The following UGDH variants were observed in gnomAD, a reference collection of about 807,000 sequenced individuals.
UGDH encodes UDP-Glc dehydrogenase.
Under a neutral mutation model 50.6 loss-of-function variants are expected in UGDH, and 38 were observed. The observed-to-expected ratio is 0.75, with a 90% CI of 0.58 to 0.98. The LOEUF is 0.98. Among genes scored for constraint, UGDH ranks in the 50% least tolerant of loss-of-function variants. The pLI is 0.00. For missense variants in UGDH, 465 were observed against 606.2 expected, an observed-to-expected ratio of 0.77 and a Z score of 2.45; for synonymous variants, 168 against 199.9, an observed-to-expected ratio of 0.84 and a Z score of 1.35.
intron 2 of UGDH, 30 bp downstream of exon 2, chr4:39,521,321 T>C (rs761012738): frequency 1.3e-6 from 2 of 1,559,994 alleles, no homozygotes; most frequent in Non-Finnish European, 1.7e-6. Flanking sequence ...GAAAAAAGCA[T>C]AAAAACAAAG....
chr4:39,520,036 A>G (rs1166406515), intron 2 of UGDH, among the ~76,000 whole-genome samples: 1 of 152,150 alleles, frequency 6.6e-6, no homozygotes, highest in Admixed American at 6.6e-5. Context: ...GGTTGATAAT[A>G]GTCATAAAGA....
intron 2 of UGDH, among the ~76,000 whole-genome samples, chr4:39,520,466 G>A (rs1746602032): frequency 6.6e-6 from 1 of 151,284 alleles, no homozygotes; most frequent in Non-Finnish European, 1.5e-5. Context: ...ATAATATGAT[G>A]AACTCATTTT....
chr4:39,504,185 G>T (rs921762041), intron 10 of UGDH, among the ~76,000 whole-genome samples, 200 bp from the exon 11 acceptor site: 1 of 152,094 alleles, frequency 6.6e-6, no homozygotes, highest in Admixed American at 6.6e-5. Context: ...GCAGGAGCTT[G>T]TAGTCCCAGC....
chr4:39,520,045 G>T (rs1189846467), intron 2 of UGDH, among the ~76,000 whole-genome samples: 1 of 151,966 alleles, frequency 6.6e-6, no homozygotes, highest in Non-Finnish European at 1.5e-5. Flanking sequence ...TAGTCATAAA[G>T]AAATAAGCTT....
In UGDH at chr4:39,499,711, A is replaced by C. The variant is rs1745712763; in HGVS notation, c.*432T>G. On this transcript the variant is annotated 3_prime_UTR_variant, in exon 12 of 12. Coordinates refer to ENST00000316423, the MANE Select transcript of UGDH (RefSeq NM_003359.4). ...TAGCTAGTATAAATCTGATGATTAA[A>C]AAAATAGTTTTGTTTCCTTAAAAAC... The C allele has an allele frequency of 6.5e-6, 1 of 153,344 alleles. No homozygotes were observed. The highest frequency in any genetic ancestry group is 2.0e-4 in the South Asian group (1 of 4,930). The allele number at this position is 153,344 out of a possible 1,614,324, so 9.5% of individuals were successfully genotyped here.
At position 39,505,324 on chromosome 4, in the gene UGDH, C is replaced by T. The variant is rs769271659; in HGVS notation, c.1084G>A (p.Ala362Thr). 12 of 1,586,782 alleles carry T rather than the reference C, an allele frequency of 7.6e-6. No individual in the cohort carries two copies. The highest frequency in any genetic ancestry group is 1.0e-5 in the Non-Finnish European group (12 of 1,167,108). The change falls in exon 9 of 12, where the codon GCA (alanine) becomes ACA (threonine). Residue 362 changes from alanine to threonine, a missense_variant. Transcript: ENST00000316423. ...TTTGGATCATATATATGTAGATGTG[C>T]ACCTTCATCCATCAAATATTTGCTA... ...YISKYLMDEG[A>T]HLHIYDPKVP...
chr4:39,503,846 G>GA (rs748973461), intron 11 of UGDH, 29 bp downstream of exon 11: 72 of 1,596,916 alleles, frequency 4.5e-5, no homozygotes, highest in African/African-American at 2.8e-4. Context: ...CAAACAAAAA[G>GA]AAAAAAAACA....
chr4:39,502,265 G>C (rs1235669422), intron 11 of UGDH, among the ~76,000 whole-genome samples: 2 of 152,222 alleles, frequency 1.3e-5, no homozygotes, highest in African/African-American at 4.8e-5. Flanking sequence ...GGGTGGAATA[G>C]AAGAGTCCCC....
intron 1 of UGDH, chr4:39,526,541 C>T (rs1327851433): frequency 6.5e-6 from 1 of 152,958 alleles, no homozygotes; most frequent in African/African-American, 2.4e-5. Flanking sequence ...TGTCGATAGA[C>T]AGCTACTGCT....
Position 39,521,925 on chromosome 4 carries a change from T to C in UGDH, c.-7-406A>G, listed in dbSNP as rs566808434. ...CGATTCTTGCTTAAATAAATGCTAG[T>C]GTACAAAGATGAGTTTATAACAGGT... is the stretch of plus-strand genomic sequence containing the variant. On this transcript the variant is annotated intron_variant, in intron 1 of 11. Coordinates refer to ENST00000316423, the MANE Select transcript of UGDH (RefSeq NM_003359.4). Among the ~76,000 whole-genome samples, 4 of 152,314 alleles carry C rather than the reference T, an allele frequency of 2.6e-5. No homozygotes were observed. In the South Asian group the frequency reaches 8.3e-4, roughly 32 times the overall value.
chr4:39,513,312 T>C (rs1295652464), intron 3 of UGDH, among the ~76,000 whole-genome samples: 2 of 152,134 alleles, frequency 1.3e-5, no homozygotes, highest in African/African-American at 4.8e-5. Flanking sequence ...AGCCACATTA[T>C]GAGGTAAAGG....
At chr4:39,505,549 C>G (rs1745992696) in intron 8 of UGDH, 69 bp downstream of exon 8, 1 of 1,421,232 alleles carries the variant, frequency 7.0e-7, no homozygotes, top group Non-Finnish European at 9.3e-7. Flanking sequence ...ACACCTACCC[C>G]AATCAAAAAA....
chr4:39,504,266 C>T, intron 10 of UGDH, 151 bp downstream of exon 10: 1 of 693,360 alleles, frequency 1.4e-6, no homozygotes, highest in Non-Finnish European at 2.4e-6. Context: ...CGAGATTGCG[C>T]CACTGCACTC....
intron 2 of UGDH, among the ~76,000 whole-genome samples, chr4:39,520,357 TAACCAAGC>T (rs1399193064): frequency 6.6e-6 from 1 of 151,928 alleles, no homozygotes; most frequent in Non-Finnish European, 1.5e-5. Flanking sequence ...AAATAAAAAA[TAACCAAGC>T]TTTTCTTGGG....
chr4:39,523,371 C>A (rs978585386), intron 1 of UGDH, among the ~76,000 whole-genome samples: 1 of 151,848 alleles, frequency 6.6e-6, no homozygotes, highest in Non-Finnish European at 1.5e-5. Flanking sequence ...TTTTAAAAAA[C>A]AATTAAAAGA....
chr4:39,518,502 C>T (rs556721806), intron 2 of UGDH, among the ~76,000 whole-genome samples: 26 of 151,700 alleles, frequency 1.7e-4, no homozygotes, highest in African/African-American at 6.3e-4. Flanking sequence ...GCACATGCCA[C>T]AATGCCCAGT....
chr4:39,518,607 G>A (rs966670074), intron 2 of UGDH, among the ~76,000 whole-genome samples: 6 of 147,804 alleles, frequency 4.1e-5, no homozygotes, highest in Admixed American at 1.4e-4. Flanking sequence ...GTGAGCCACC[G>A]CGGTTGGCCT....
chr4:39,523,346 C>T (rs1176286895), intron 1 of UGDH, among the ~76,000 whole-genome samples: 1 of 152,054 alleles, frequency 6.6e-6, no homozygotes, highest in Non-Finnish European at 1.5e-5. Context: ...GCCACTGTGC[C>T]AGGCCCCTCA....
chr4:39,511,592 C>T (rs1254246381), intron 3 of UGDH, among the ~76,000 whole-genome samples: 2 of 151,686 alleles, frequency 1.3e-5, no homozygotes, highest in Admixed American at 6.6e-5. Flanking sequence ...TTTTACAGTC[C>T]TATATCAACA....
Sources: allele counts gnomAD v4.1 joint callset (sites outside exome capture counted in the v4.1 genomes callset), GRCh38; gene constraint gnomAD v4.1.1; transcripts MANE v1.5; gene names NCBI Gene and HGNC (gene_info 2026-07-23, HGNC 2026-07-21).